The following PTGER3 variants were observed in gnomAD, a reference collection of about 807,000 sequenced individuals.
PTGER3 encodes the protein prostaglandin E2 receptor EP3 subtype.
In PTGER3, 22 loss-of-function variants were observed where a neutral mutation model predicts 34.7. The observed-to-expected ratio is 0.63, with a 90% CI of 0.45 to 0.91. The LOEUF (loss-of-function observed/expected upper bound fraction) is 0.91. Ranked by LOEUF, PTGER3 falls within the 40% of genes least tolerant of loss-of-function variation. The pLI, the probability that PTGER3 is intolerant of heterozygous loss-of-function variation, is 0.00. For synonymous variants in PTGER3, 241 were observed against 230.1 expected (o/e 1.05, Z -0.43); for missense variants, 468 against 519.4 (o/e 0.90, Z 0.96).
downstream of PTGER3, among the ~76,000 whole-genome samples, chr1:70,969,571 A>G (rs907834719): frequency 1.3e-5 from 2 of 152,212 alleles, no homozygotes; most frequent in African/African-American, 4.8e-5. Flanking sequence ...CAAAATGAGT[A>G]CTATGTAACT....
chr1:70,882,216 T>C (rs970481513), intron 4 of PTGER3, among the ~76,000 whole-genome samples: 10 of 151,920 alleles, frequency 6.6e-5, no homozygotes, highest in African/African-American at 2.2e-4. Context: ...TTGGCTACCA[T>C]TGGCATGGGT....
intron 4 of PTGER3, among the ~76,000 whole-genome samples, chr1:70,906,687 A>G (rs948304972): frequency 6.6e-6 from 1 of 152,210 alleles, no homozygotes; most frequent in African/African-American, 2.4e-5. Context: ...AATATGTATA[A>G]AAGTGGGATA....
chr1:71,029,357 G>T (rs1208741360), intron 1 of PTGER3, among the ~76,000 whole-genome samples: 3 of 152,060 alleles, frequency 2.0e-5, no homozygotes, highest in African/African-American at 7.2e-5. Context: ...AATTACATAG[G>T]CAATAAAATC....
intron 1 of PTGER3, among the ~76,000 whole-genome samples, chr1:71,038,948 A>T (rs1660053414): frequency 1.3e-5 from 2 of 152,246 alleles, no homozygotes; most frequent in African/African-American, 4.8e-5. Context: ...CAACAGTTAG[A>T]TGCACAATTA....
At chr1:71,044,767 T>C (rs903829231) in intron 1 of PTGER3, among the ~76,000 whole-genome samples, 3 of 152,124 alleles carry the variant, frequency 2.0e-5, no homozygotes, top group South Asian at 2.1e-4. Context: ...GCACAAACAA[T>C]AAATTATAAG....
At chr1:70,853,060 G>A (rs914788158) in intron 4 of PTGER3, among the ~76,000 whole-genome samples, 2 of 152,174 alleles carry the variant, frequency 1.3e-5, no homozygotes, top group African/African-American at 4.8e-5. Context: ...GACAACCTAT[G>A]TATGCCACAA....
chr1:71,008,084 C>T, intron 2 of PTGER3: 1 of 982,394 alleles, frequency 1.0e-6, no homozygotes, highest in Non-Finnish European at 1.2e-6. Context: ...AAAAACAATC[C>T]CAGCCTCATC....
intron 2 of PTGER3, among the ~76,000 whole-genome samples, chr1:70,958,214 C>T (rs1031249618): frequency 1.3e-5 from 2 of 152,074 alleles, no homozygotes; most frequent in African/African-American, 2.4e-5. Flanking sequence ...GATATATGCC[C>T]AGTAATGAGC....
chr1:70,879,146 G>A (rs1310006858), intron 4 of PTGER3, among the ~76,000 whole-genome samples: 1 of 152,096 alleles, frequency 6.6e-6, no homozygotes, highest in Non-Finnish European at 1.5e-5. Flanking sequence ...ATGAATTTGG[G>A]TGCACCTGTG....
intron 2 of PTGER3, among the ~76,000 whole-genome samples, chr1:70,963,800 C>G (rs535909174): frequency 2.4e-4 from 37 of 152,290 alleles, no homozygotes; most frequent in African/African-American, 8.2e-4. Context: ...CTCCTGGTTA[C>G]TTATGCAAAT....
At chr1:71,021,474 A>T (rs1658412049) in intron 1 of PTGER3, among the ~76,000 whole-genome samples, 1 of 152,168 alleles carries the variant, frequency 6.6e-6, no homozygotes, top group South Asian at 2.1e-4. Flanking sequence ...TTCTTGGATT[A>T]TGGATGATGG....
chr1:70,928,868 T>TACACACACACAC (rs34765576), intron 4 of PTGER3, among the ~76,000 whole-genome samples: 4 of 147,268 alleles, frequency 2.7e-5, no homozygotes, highest in East Asian at 2.0e-4. Flanking sequence ...AATTTACAGA[T>TACACACACACAC]ACACACACAC....
intron 4 of PTGER3, among the ~76,000 whole-genome samples, chr1:70,928,556 C>T (rs948727748): frequency 6.7e-6 from 1 of 148,634 alleles, no homozygotes; most frequent in Non-Finnish European, 1.5e-5. Flanking sequence ...TCACTTGAGC[C>T]TGAGAGATTG....
chr1:70,990,431 T>C (rs1655356597), intron 2 of PTGER3, among the ~76,000 whole-genome samples: 1 of 131,088 alleles, frequency 7.6e-6, no homozygotes, highest in African/African-American at 3.0e-5. Flanking sequence ...TATACATATG[T>C]ATCAATGTAT....
At chr1:70,863,970 C>T (rs1245086342) in intron 4 of PTGER3, among the ~76,000 whole-genome samples, 3 of 152,052 alleles carry the variant, frequency 2.0e-5, no homozygotes, top group Admixed American at 6.6e-5. Flanking sequence ...GGTTCTTGAG[C>T]AGGGAATCTA....
At chr1:71,023,731 T>C (rs542349318) in intron 1 of PTGER3, among the ~76,000 whole-genome samples, 1 of 152,016 alleles carries the variant, frequency 6.6e-6, no homozygotes, top group Non-Finnish European at 1.5e-5. Context: ...TCTGTGTGTC[T>C]TTCTCTACGT....
intron 4 of PTGER3, among the ~76,000 whole-genome samples, chr1:70,855,136 T>A (rs1645772576): frequency 7.1e-6 from 1 of 140,348 alleles, no homozygotes; most frequent in South Asian, 2.2e-4. Context: ...GAATATTACT[T>A]AGCTTAAAAA....
At chr1:70,956,744 C>T (rs150860310) in intron 2 of PTGER3, among the ~76,000 whole-genome samples, 17 of 152,266 alleles carry the variant, frequency 1.1e-4, no homozygotes, top group African/African-American at 3.9e-4. Flanking sequence ...TGGCTCACAG[C>T]TGTAATCCTG....
intron 2 of PTGER3, among the ~76,000 whole-genome samples, chr1:70,993,715 T>G (rs1050254350): frequency 2.6e-5 from 4 of 152,160 alleles, no homozygotes; most frequent in African/African-American, 9.7e-5. Context: ...GCATCCCCAC[T>G]GTGGTTAAGT....
Sources: allele counts gnomAD v4.1 joint callset (sites outside exome capture counted in the v4.1 genomes callset), GRCh38; gene constraint gnomAD v4.1.1; transcripts MANE v1.5; gene names NCBI Gene and HGNC (gene_info 2026-07-23, HGNC 2026-07-21).